The following MSMB variants were observed in gnomAD, a reference collection of about 807,000 sequenced individuals.
MSMB encodes microseminoprotein beta.
A neutral mutation model predicts 10.5 loss-of-function variants in MSMB; 10 were observed. That is an observed-to-expected ratio of 0.95 (90% CI 0.59 to 1.62). The LOEUF (loss-of-function observed/expected upper bound fraction) is 1.62, where lower values mean the gene tolerates loss of function less well. MSMB is among the 40% of genes most tolerant of loss of function. MSMB has a pLI of 0.00. For synonymous variants in MSMB, 43 were observed against 46.5 expected (o/e 0.93, Z 0.30); for missense variants, 126 against 137.4 (o/e 0.92, Z 0.42).
chr10:46,034,536 G>T (rs1336908414), intron 3 of MSMB, among the ~76,000 whole-genome samples: 1 of 151,850 alleles, frequency 6.6e-6, no homozygotes, highest in Non-Finnish European at 1.5e-5. Context: ...ATAAAGAAAT[G>T]ATGATAGGGC....
chr10:46,034,438 GA>G (rs1439514633), intron 3 of MSMB, among the ~76,000 whole-genome samples: 1 of 151,444 alleles, frequency 6.6e-6, no homozygotes, highest in Non-Finnish European at 1.5e-5. Context: ...CCCAGTGCTA[GA>G]ATATTAAGTG....
At chr10:46,038,460 T>C (rs1439268946) in intron 3 of MSMB, among the ~76,000 whole-genome samples, 1 of 152,008 alleles carries the variant, frequency 6.6e-6, no homozygotes, top group African/African-American at 2.4e-5. Flanking sequence ...GCTAATTTTT[T>C]TGGTATTTTT....
chr10:46,039,136 T>C, intron 2 of MSMB, 65 bp from the exon 3 acceptor site: 1 of 1,369,666 alleles, frequency 7.3e-7, no homozygotes, highest in Non-Finnish European at 1.0e-6. Flanking sequence ...TATCAGGACA[T>C]TGAGTCCTGC....
At position 46,039,001 on chromosome 10, in the gene MSMB, G is replaced by A. The variant is rs1300866094; in HGVS notation, c.180C>T (p.Cys60=). The A allele has an allele frequency of 8.1e-6, 13 of 1,613,970 alleles. No individual in the cohort carries two copies. Among genetic ancestry groups the A allele is most frequent in the Non-Finnish European group, 1.0e-5 (12 of 1,179,976 alleles). Residue 60 remains cysteine, a synonymous_variant, in exon 3 of 4, where the codon TGC becomes TGT. Coordinates refer to ENST00000582163, the MANE Select transcript of MSMB (RefSeq NM_002443.4). The part of the protein sequence containing the change: ...SEWQTDNCET[C]TCYETEISCC... ...ATGAAATTTCTGTTTCGTAGCAAGT[G>A]CATGTCTCACAGTTGTCAGTCTGCC...
At chr10:46,036,258 G>T (rs143622725) in intron 3 of MSMB, among the ~76,000 whole-genome samples, 3 of 152,252 alleles carry the variant, frequency 2.0e-5, no homozygotes, top group African/African-American at 4.8e-5. Flanking sequence ...TCCCATAGAG[G>T]GTGCAGTGGG....
In MSMB at chr10:46,033,471, T is replaced by TC; in HGVS notation, c.295dup (p.Glu99GlyfsTer13). 1.2e-6 allele frequency: 2 copies of TC among 1,614,018 alleles called. No individual in the cohort carries two copies. The highest frequency in any genetic ancestry group is 1.7e-6 in the Non-Finnish European group (2 of 1,179,872). On this transcript the variant is annotated frameshift_variant, in exon 4 of 4. Coordinates refer to ENST00000582163, the MANE Select transcript of MSMB (RefSeq NM_002443.4). LOFTEE classifies it low-confidence loss of function (END_TRUNC). ...ACAGGTCTTTTTTGGGTCCTTCTTC[T>TC]CCACCACGATATACTTGCAGTCCTC... is the stretch of plus-strand genomic sequence containing the variant.
chr10:46,043,714 G>T (rs782428424), intron 1 of MSMB, among the ~76,000 whole-genome samples: 3 of 151,930 alleles, frequency 2.0e-5, no homozygotes, highest in Non-Finnish European at 4.4e-5. Context: ...TCGTTCTATC[G>T]CCTAGAGTAG....
chr10:46,035,461 A>G (rs1485982633), intron 3 of MSMB, among the ~76,000 whole-genome samples: 1 of 152,260 alleles, frequency 6.6e-6, no homozygotes, highest in Non-Finnish European at 1.5e-5. Context: ...GCCATGGAAT[A>G]TTATTCTGGC....
In MSMB at chr10:46,033,436, C is replaced by T; in HGVS notation, c.331G>A (p.Glu111Lys). ...KDPKKTCSVS[E>K]WII ...CTAGAAGCACATTAGATTATCCATT[C>T]ACTGACAGAACAGGTCTTTTTTGGG... Residue 111 changes from glutamate to lysine, a missense_variant, in exon 4 of 4, where the codon GAA becomes AAA. Glu to Lys is a moderately conservative substitution (Grantham distance 56). Coordinates refer to ENST00000582163, the MANE Select transcript of MSMB (RefSeq NM_002443.4). 1 of 1,613,774 alleles carries T rather than the reference C, an allele frequency of 6.2e-7. No individual in the cohort carries two copies. The highest frequency in any genetic ancestry group is 8.5e-7 in the Non-Finnish European group (1 of 1,179,688).
At chr10:46,045,766 C>A (rs113289015) in intron 1 of MSMB, among the ~76,000 whole-genome samples, 456 of 152,198 alleles carry the variant, frequency 3.0e-3, no homozygotes, top group South Asian at 5.0e-3. Context: ...CACTGCACAG[C>A]CAAGTTTGGG....
At chr10:46,043,727 T>C (rs1175908246) in intron 1 of MSMB, among the ~76,000 whole-genome samples, 1 of 152,094 alleles carries the variant, frequency 6.6e-6, no homozygotes, top group Non-Finnish European at 1.5e-5. Flanking sequence ...TAGAGTAGAG[T>C]TCAGTGATGC....
chr10:46,039,855 C>T, intron 2 of MSMB, 131 bp downstream of exon 2: 1 of 669,190 alleles, frequency 1.5e-6, no homozygotes, highest in Non-Finnish European at 2.5e-6. Context: ...GCACTCCAGC[C>T]TGGGAGACAG....
intron 1 of MSMB, among the ~76,000 whole-genome samples, chr10:46,044,462 G>C (rs1840838218): frequency 6.6e-6 from 1 of 150,752 alleles, no homozygotes; most frequent in Non-Finnish European, 1.5e-5. Context: ...TGTAGTCCCA[G>C]CTACTCAGGA....
In MSMB at chr10:46,039,045, G is replaced by A. The variant is rs1432007798; in HGVS notation, c.136C>T (p.His46Tyr). 1.9e-6 allele frequency: 3 copies of A among 1,613,958 alleles called. No individual in the cohort carries two copies. Among genetic ancestry groups the A allele is most frequent in the Admixed American group, 3.3e-5 (2 of 60,006 alleles). ...RKCMDLKGNK[H>Y]PINSEWQTDN... ...GTCTGCCACTCCGAGTTTATTGGGT[G>A]TTTGTTTCCTTTGAGATCCATGCAT... Residue 46 changes from histidine to tyrosine, a missense_variant, in exon 3 of 4, where the codon CAC (histidine) becomes TAC (tyrosine). Coordinates refer to ENST00000582163, the MANE Select transcript of MSMB (RefSeq NM_002443.4).
chr10:46,038,928 T>C (rs782127882), intron 3 of MSMB, 38 bp downstream of exon 3: 1 of 1,551,336 alleles, frequency 6.4e-7, no homozygotes, highest in Non-Finnish European at 8.9e-7. Context: ...AGAGAACAGC[T>C]ATGTCCCCCT....
chr10:46,044,575 GAA>G (rs56061175), intron 1 of MSMB, among the ~76,000 whole-genome samples: 25 of 38,522 alleles, frequency 6.5e-4, no homozygotes, highest in South Asian at 4.3e-3. Context: ...CTCCGTCTCA[GAA>G]AAAAAAAAAA....
intron 3 of MSMB, 75 bp downstream of exon 3, chr10:46,038,891 T>G: frequency 3.8e-6 from 5 of 1,298,940 alleles, no homozygotes; most frequent in Non-Finnish European, 5.5e-6. Context: ...AAGATTGGAA[T>G]TTTGCAAGAC....
chr10:46,046,172 T>TA (rs1840892273), intron 1 of MSMB, 63 bp downstream of exon 1: 2 of 1,524,910 alleles, frequency 1.3e-6, no homozygotes, highest in East Asian at 4.5e-5. Flanking sequence ...ACACGCATAT[T>TA]AAAATAGGAA....
chr10:46,043,564 G>A (rs890492205), intron 1 of MSMB, among the ~76,000 whole-genome samples: 16 of 152,256 alleles, frequency 1.1e-4, no homozygotes, highest in African/African-American at 3.6e-4. Context: ...CAGTGCCTCA[G>A]TGTCTTTACC....
Sources: allele counts gnomAD v4.1 joint callset (sites outside exome capture counted in the v4.1 genomes callset), GRCh38; gene constraint gnomAD v4.1.1; transcripts MANE v1.5; gene names NCBI Gene and HGNC (gene_info 2026-07-23, HGNC 2026-07-21).